Variants in LSMEM2 observed in about 807,000 individuals in gnomAD.
LSMEM2 encodes leucine rich single-pass membrane protein 2, also known as leucine-rich single-pass membrane protein 2.
Under a neutral mutation model 17.3 loss-of-function variants are expected in LSMEM2, and 20 were observed. The observed-to-expected ratio is 1.16, with a 90% CI of 0.81 to 1.68. The LOEUF (loss-of-function observed/expected upper bound fraction) is 1.68. LSMEM2 is among the 40% of genes most tolerant of loss of function. LSMEM2 has a pLI of 0.00. For synonymous variants in LSMEM2, 94 were observed against 97.8 expected (o/e 0.96, Z 0.23); for missense variants, 207 against 214.3 (o/e 0.97, Z 0.21).
rs587712096 is a variant in LSMEM2, at chr3:50,286,637, G to A, written c.173-37G>A. 6.8e-6 allele frequency: 11 copies of A among 1,611,546 alleles called. No homozygotes were observed. The Admixed American group carries it at 1.5e-4, about 22-fold the overall frequency. On this transcript the variant is annotated intron_variant, in intron 2 of 3. Coordinates refer to ENST00000316436, the MANE Select transcript of LSMEM2 (RefSeq NM_153215.3). ...GTGCTGGGGGAGGGGACGAAAGCAG[G>A]TGCACCCACCACCCTCCCAATGTCC...
Position 50,279,577 on chromosome 3 carries a change from A to G in LSMEM2, c.58+406A>G, listed in dbSNP as rs1701347516. On this transcript the variant is annotated intron_variant, in intron 1 of 3. Transcript: ENST00000316436. ...TTTGGGTACCTGTCCCATGGACTGA[A>G]AAGTAGTTAGGCCTCTGGCCTCCCC... Among the ~76,000 whole-genome samples the G allele has an allele frequency of 2.0e-5, 3 of 152,192 alleles. No individual in the cohort carries two copies. The South Asian group carries it at 6.2e-4, about 31-fold the overall frequency.
intron 1 of LSMEM2, among the ~76,000 whole-genome samples, chr3:50,286,091 C>T (rs1553708373): frequency 6.6e-6 from 1 of 152,178 alleles, no homozygotes; most frequent in Non-Finnish European, 1.5e-5. Flanking sequence ...GGCTTTCTGA[C>T]CAGAAGATGC....
Position 50,286,494 on chromosome 3 carries a change from A to G in LSMEM2, c.82A>G (p.Ser28Gly). The change falls in exon 2 of 4, where the codon AGC becomes GGC. Residue 28 changes from serine to glycine, a missense_variant. Physicochemically the swap from Ser to Gly is moderately conservative, Grantham distance 56. Coordinates refer to ENST00000316436, the MANE Select transcript of LSMEM2 (RefSeq NM_153215.3). ...AGACTCCGTGGCGCCAATGATGCCC[A>G]GCCAGAGGAGCAGGGGGCCATTGGC... ...QEDSVAPMMP[S>G]QRSRGPLAPN... 1.2e-6 allele frequency: 2 copies of G among 1,609,068 alleles called. No homozygotes were observed. The highest frequency in any genetic ancestry group is 1.7e-6 in the Non-Finnish European group (2 of 1,178,458).
chr3:50,287,127 AC>A lies in LSMEM2; in HGVS notation c.421del (p.Leu141TyrfsTer41). The A allele has an allele frequency of 1.2e-6, 2 of 1,614,094 alleles. No individual in the cohort carries two copies. The highest frequency in any genetic ancestry group is 1.7e-6 in the Non-Finnish European group (2 of 1,180,022). The part of the protein sequence containing the change: ...AHTLRTQEET[L>X]LKLRLASLSQ... Reference sequence around the variant, plus strand: ...ACACGCTCCGCACGCAGGAGGAGACACTACTCAAACTCCGCTTGGCCAGCCT... The same window carrying A: ...ACACGCTCCGCACGCAGGAGGAGACATACTCAAACTCCGCTTGGCCAGCCT... On this transcript the variant is annotated frameshift_variant, in exon 4 of 4. Transcript: ENST00000316436. LOFTEE classifies it high-confidence loss of function.
At chr3:50,280,934 G>A (rs1031390882) in intron 1 of LSMEM2, among the ~76,000 whole-genome samples, 45 of 152,056 alleles carry the variant, frequency 3.0e-4, no homozygotes, top group African/African-American at 9.2e-4. Context: ...AGAGGCATAA[G>A]CCACTGTGCC....
intron 1 of LSMEM2, among the ~76,000 whole-genome samples, chr3:50,283,918 A>G (rs781892162): frequency 1.3e-5 from 2 of 152,258 alleles, no homozygotes; most frequent in Non-Finnish European, 2.9e-5. Context: ...TTAAGAAGCC[A>G]CACACAGCTG....
At chr3:50,286,334 T>C in intron 1 of LSMEM2, 137 bp from the exon 2 acceptor site, 1 of 1,300,288 alleles carries the variant, frequency 7.7e-7, no homozygotes, top group Non-Finnish European at 1.0e-6. Context: ...GGGTAATTCC[T>C]GAGTCAGTTT....
chr3:50,287,093 T>A lies in LSMEM2; in HGVS notation c.386T>A (p.Ile129Asn), dbSNP rs1553708668. 1 of 1,614,020 alleles carries A rather than the reference T, an allele frequency of 6.2e-7. No homozygotes were observed. Among genetic ancestry groups the A allele is most frequent in the Non-Finnish European group, 8.5e-7 (1 of 1,180,020 alleles). Residue 129 changes from isoleucine (I) to asparagine (N), a missense_variant, in exon 4 of 4, where the codon ATC becomes AAC. Physicochemically the swap from Ile to Asn is moderately radical, Grantham distance 149 (BLOSUM62 -3). Transcript: ENST00000316436. ...GTGCTGCAGAGTGAATCCCTGCGCATCCTGGCACACACGCTCCGCACGCAG... is the reference window on the plus strand; with the variant it reads ...GTGCTGCAGAGTGAATCCCTGCGCAACCTGGCACACACGCTCCGCACGCAG... Reference protein sequence around the residue: ...LSVLQSESLRILAHTLRTQEE... With the variant: ...LSVLQSESLRNLAHTLRTQEE...
intron 1 of LSMEM2, among the ~76,000 whole-genome samples, chr3:50,286,077 A>G (rs1701515043): frequency 6.6e-6 from 1 of 152,244 alleles, no homozygotes; most frequent in Non-Finnish European, 1.5e-5. Flanking sequence ...AGTGGCTACA[A>G]TAGGGCTTTC....
intron 1 of LSMEM2, among the ~76,000 whole-genome samples, chr3:50,283,838 ACAT>A (rs1701455982): frequency 6.6e-6 from 1 of 152,076 alleles, no homozygotes; most frequent in African/African-American, 2.4e-5. Context: ...GTGTGAAAGT[ACAT>A]AATTAAAATC....
chr3:50,282,968 C>T (rs1046128697), intron 1 of LSMEM2, among the ~76,000 whole-genome samples: 17 of 151,634 alleles, frequency 1.1e-4, no homozygotes, highest in African/African-American at 3.6e-4. Flanking sequence ...GAGCAGATCA[C>T]GAGGTCAAGA....
chr3:50,280,736 G>T (rs587645566), intron 1 of LSMEM2, among the ~76,000 whole-genome samples: 2 of 152,034 alleles, frequency 1.3e-5, no homozygotes, highest in Non-Finnish European at 2.9e-5. Flanking sequence ...TGGGACTACA[G>T]GAGCCCGCCA....
chr3:50,282,320 A>G (rs1362561603), intron 1 of LSMEM2, among the ~76,000 whole-genome samples: 3 of 152,114 alleles, frequency 2.0e-5, no homozygotes, highest in African/African-American at 7.2e-5. Context: ...CCTTCAACCC[A>G]CCACCCAGAC....
At chr3:50,280,956 G>C (rs1245439098) in intron 1 of LSMEM2, among the ~76,000 whole-genome samples, 3 of 151,852 alleles carry the variant, frequency 2.0e-5, no homozygotes, top group African/African-American at 7.3e-5. Flanking sequence ...ACCCTCTTTT[G>C]GGATCTTAAC....
chr3:50,278,809 A>G (rs144527040), upstream of LSMEM2, among the ~76,000 whole-genome samples: 2 of 152,306 alleles, frequency 1.3e-5, no homozygotes, highest in Non-Finnish European at 2.9e-5. Flanking sequence ...CTTGGCTGCC[A>G]CATGGGGCCT....
chr3:50,282,423 G>A (rs1559796837), intron 1 of LSMEM2, among the ~76,000 whole-genome samples: 1 of 152,202 alleles, frequency 6.6e-6, no homozygotes, highest in Non-Finnish European at 1.5e-5. Flanking sequence ...TTGAGTTACT[G>A]TCCTGAGAAT....
chr3:50,286,441 T>A (rs1553708434), intron 1 of LSMEM2, 30 bp from the exon 2 acceptor site: 1 of 1,564,124 alleles, frequency 6.4e-7, no homozygotes, highest in Non-Finnish European at 8.7e-7. Context: ...GACCCACCAC[T>A]GGCTAAATCA....
chr3:50,281,856 CT>C lies in LSMEM2; in HGVS notation c.58+2691del, dbSNP rs587615258. ...ACCACACCAAACTAATCTTTAATTA[CT>C]TTTTTGTTTTTTGAGACGAGGTCTA... On this transcript the variant is annotated intron_variant, in intron 1 of 3. Coordinates refer to ENST00000316436, the MANE Select transcript of LSMEM2 (RefSeq NM_153215.3). Among the ~76,000 whole-genome samples the C allele has an allele frequency of 5.1e-3, 764 of 150,002 alleles. 8 individuals are homozygous for C. Among genetic ancestry groups the C allele is most frequent in the African/African-American group, 0.018 (724 of 40,780 alleles).
chr3:50,281,431 CTG>C (rs1553707762), intron 1 of LSMEM2, among the ~76,000 whole-genome samples: 1 of 132,118 alleles, frequency 7.6e-6, no homozygotes, highest in African/African-American at 2.9e-5. Context: ...GGCACGATCT[CTG>C]CTCACTGCAA....
Sources: allele counts gnomAD v4.1 joint callset (sites outside exome capture counted in the v4.1 genomes callset), GRCh38; gene constraint gnomAD v4.1.1; transcripts MANE v1.5; gene names NCBI Gene and HGNC (gene_info 2026-07-23, HGNC 2026-07-21).